Variants in MYO5A observed in about 807,000 individuals in gnomAD.
The protein encoded by MYO5A is myosin VA.
Under a neutral mutation model 249.7 loss-of-function variants are expected in MYO5A, and 98 were observed. The observed-to-expected ratio is 0.39, with a 90% confidence interval of 0.33 to 0.46. The LOEUF is 0.46. Ranked by LOEUF, MYO5A falls within the 20% of genes least tolerant of loss-of-function variation. MYO5A has a pLI of 0.98. For synonymous variants in MYO5A, 778 were observed against 810.6 expected (o/e 0.96, Z 0.68); for missense variants, 1,696 against 2,308.8 (o/e 0.73, Z 5.44).
chr15:52,317,165 C>A lies in MYO5A; in HGVS notation c.5292G>T (p.Gly1764=), dbSNP rs1285724597. ...TGAGAGGTTCCAGGGTTTCTTTAGC[C>A]CCACTATTCATCAGATTCTTGTCAC... The part of the protein sequence containing the change: ...WLRDKNLMNS[G]AKETLEPLIQ... Residue 1764 remains glycine (G), a synonymous_variant, in exon 40 of 42, where the codon GGG becomes GGT. Transcript: ENST00000399233. 1.9e-6 allele frequency: 3 copies of A among 1,613,972 alleles called. No individual in the cohort carries two copies. Among genetic ancestry groups the A allele is most frequent in the Non-Finnish European group, 2.5e-6 (3 of 1,179,982 alleles).
chr15:52,338,704 T>C (rs1472331786), intron 32 of MYO5A, among the ~76,000 whole-genome samples: 1 of 152,190 alleles, frequency 6.6e-6, no homozygotes, highest in Non-Finnish European at 1.5e-5. Context: ...GCTTAGAATA[T>C]AGGGGCTTAG....
Position 52,383,084 on chromosome 15 carries a change from T to TGGGTGGTTCAGAATGGG in MYO5A, c.2012+6_2012+7insCCCATTCTGAACCACCC. On this transcript the variant is annotated splice_region_variant and intron_variant, in intron 16 of 41. Transcript: ENST00000399233. ...ACTTTTTCACTGGGTGGTTCAGAAA[T>TGGGTGGTTCAGAATGGG]ACTTACGTGAATGGGAACTTGAAGT... 1 of 1,602,898 alleles carries TGGGTGGTTCAGAATGGG rather than the reference T, an allele frequency of 6.2e-7. No homozygotes were observed. The highest frequency in any genetic ancestry group is 8.5e-7 in the Non-Finnish European group (1 of 1,169,794).
At chr15:52,419,102 C>T (rs902796412) in intron 4 of MYO5A, among the ~76,000 whole-genome samples, 16 of 152,160 alleles carry the variant, frequency 1.1e-4, no homozygotes, top group Non-Finnish European at 1.6e-4. Context: ...GATTTAATAT[C>T]CCCATCTATG....
In MYO5A at chr15:52,396,401, T is replaced by C. The variant is rs377515585; in HGVS notation, c.1320-4A>G. On this transcript the variant is annotated splice_polypyrimidine_tract_variant and splice_region_variant and intron_variant, in intron 10 of 41. Transcript: ENST00000399233. ...ATTTATCTCAAATGTTTCAAATCTGTAACCACAAAAATAATATGAAAAGGG... is the reference window on the plus strand; with the variant it reads ...ATTTATCTCAAATGTTTCAAATCTGCAACCACAAAAATAATATGAAAAGGG... The C allele has an allele frequency of 9.2e-6, 14 of 1,515,894 alleles. No homozygotes were observed. Among genetic ancestry groups the C allele is most frequent in the Middle Eastern group, 1.7e-4 (1 of 5,882 alleles). The allele number at this position is 1,515,894 out of a possible 1,614,324, so 93.9% of individuals were successfully genotyped here.
At chr15:52,501,462 G>C (rs551581299) in intron 1 of MYO5A, among the ~76,000 whole-genome samples, 1 of 152,020 alleles carries the variant, frequency 6.6e-6, no homozygotes, top group Non-Finnish European at 1.5e-5. Context: ...TTAGCTGGGC[G>C]TGGTGGTGTG....
chr15:52,360,822 TG>T (rs970451857), intron 24 of MYO5A, among the ~76,000 whole-genome samples: 2 of 151,986 alleles, frequency 1.3e-5, no homozygotes, highest in Non-Finnish European at 2.9e-5. Context: ...GAGAATAACT[TG>T]AGGGAAGAAG....
chr15:52,405,416 C>T lies in MYO5A; in HGVS notation c.947-23G>A, dbSNP rs531245114. On this transcript the variant is annotated intron_variant, in intron 8 of 41. Transcript: ENST00000399233. Reference sequence around the variant, plus strand: ...TTCCTGAAACAAGAGAGTGAATGAACAAGTGATTAATTTCAGAATAGAAAC... The same window carrying T: ...TTCCTGAAACAAGAGAGTGAATGAATAAGTGATTAATTTCAGAATAGAAAC... 225 of 1,515,406 alleles carry T rather than the reference C, an allele frequency of 1.5e-4. 4 individuals are homozygous for T. In the South Asian group the frequency reaches 2.5e-3, roughly 17 times the overall value. The allele number at this position is 1,515,406 out of a possible 1,614,324, so 93.9% of individuals were successfully genotyped here.
rs373932546 is a variant in MYO5A at position 52,392,082 on chromosome 15, A to G, written c.1402-12T>C. The G allele has an allele frequency of 2.5e-6, 4 of 1,607,064 alleles. No individual in the cohort carries two copies. Among genetic ancestry groups the G allele is most frequent in the Non-Finnish European group, 3.4e-6 (4 of 1,177,472 alleles). ...AATTTGAAGACATGCTGAAATGAAA[A>G]AGAAAAAAAGCAGTCATTACTGGAT... On this transcript the variant is annotated splice_polypyrimidine_tract_variant and intron_variant, in intron 11 of 41. Coordinates refer to ENST00000399233, the MANE Select transcript of MYO5A (RefSeq NM_001382347.1).
intron 1 of MYO5A, among the ~76,000 whole-genome samples, chr15:52,512,985 G>A (rs1056416032): frequency 2.0e-5 from 3 of 151,638 alleles, no homozygotes; most frequent in Non-Finnish European, 4.4e-5. Flanking sequence ...TCCAGCCTGG[G>A]TGACAGAGCC....
At chr15:52,525,447 G>A (rs2077714241) in intron 1 of MYO5A, among the ~76,000 whole-genome samples, 1 of 152,138 alleles carries the variant, frequency 6.6e-6, no homozygotes, top group Non-Finnish European at 1.5e-5. Flanking sequence ...AAATTGCTGT[G>A]ACAAAACCAT....
intron 35 of MYO5A, among the ~76,000 whole-genome samples, chr15:52,328,862 C>G (rs118003457): frequency 1.3e-5 from 2 of 152,154 alleles, no homozygotes; most frequent in African/African-American, 2.4e-5. Flanking sequence ...CCTGGGCCTA[C>G]GTGCTTACTG....
chr15:52,469,920 T>G (rs1175475757), intron 1 of MYO5A, among the ~76,000 whole-genome samples: 1 of 152,194 alleles, frequency 6.6e-6, no homozygotes, highest in East Asian at 1.9e-4. Context: ...TCTCCAAGAT[T>G]CATAGCCCAA....
chr15:52,351,111 G>A, intron 28 of MYO5A, 143 bp downstream of exon 28: 1 of 769,922 alleles, frequency 1.3e-6, no homozygotes, highest in East Asian at 2.7e-5. Context: ...AACAACACTG[G>A]GATTTTTTTA....
chr15:52,456,945 A>T (rs1313799289), intron 1 of MYO5A, among the ~76,000 whole-genome samples: 1 of 152,206 alleles, frequency 6.6e-6, no homozygotes, highest in South Asian at 2.1e-4. Context: ...AAGAAAAACA[A>T]AAATAGACAA....
At chr15:52,333,902 T>C (rs975846890) in intron 34 of MYO5A, among the ~76,000 whole-genome samples, 1 of 152,234 alleles carries the variant, frequency 6.6e-6, no homozygotes, top group Non-Finnish European at 1.5e-5. Flanking sequence ...GTCACCTTGA[T>C]TCTCTTTATT....
Position 52,449,261 on chromosome 15 carries a change from G to A in MYO5A, c.28-15976C>T, listed in dbSNP as rs113264228. Among the ~76,000 whole-genome samples the A allele has an allele frequency of 5.3e-5, 8 of 152,104 alleles. 1 individual carries two copies. The highest frequency in any genetic ancestry group is 2.1e-4 in the South Asian group (1 of 4,810). ...TGGGATTACAGGCGTGAGCCACTGC[G>A]CCCGGCCTCAGGTATTTCTTTATAG... On this transcript the variant is annotated intron_variant, in intron 1 of 41. Transcript: ENST00000399233.
chr15:52,445,982 A>C (rs1486372730), intron 1 of MYO5A, among the ~76,000 whole-genome samples: 1 of 152,284 alleles, frequency 6.6e-6, no homozygotes, highest in Non-Finnish European at 1.5e-5. Context: ...GAAAATTTGC[A>C]GGCTGGCCAT....
At chr15:52,340,974 T>C (rs1156952945) in intron 31 of MYO5A, among the ~76,000 whole-genome samples, 1 of 146,554 alleles carries the variant, frequency 6.8e-6, no homozygotes. Flanking sequence ...AAGAGGGTCA[T>C]AGGAAATGAG....
intron 1 of MYO5A, among the ~76,000 whole-genome samples, chr15:52,475,815 G>T (rs2076579408): frequency 6.6e-6 from 1 of 152,138 alleles, no homozygotes; most frequent in Non-Finnish European, 1.5e-5. Flanking sequence ...CAACTATGTG[G>T]TCAATTTTGG....
Sources: gnomAD v4.1 joint callset for allele counts (sites outside exome capture counted in the v4.1 genomes callset) on GRCh38, gnomAD v4.1.1 for gene constraint, MANE v1.5 for transcripts, NCBI Gene and HGNC (gene_info 2026-07-23, HGNC 2026-07-21) for gene names.